Variants in NKAIN2 observed in about 807,000 individuals in gnomAD.
NKAIN2 encodes sodium/potassium transporting ATPase interacting 2, also known as sodium/potassium-transporting ATPase subunit beta-1-interacting protein 2.
A neutral mutation model predicts 32.6 loss-of-function variants in NKAIN2; 14 were observed. That is an observed-to-expected ratio of 0.43 (90% CI 0.28 to 0.67). The LOEUF (loss-of-function observed/expected upper bound fraction) is 0.67. NKAIN2 is among the 30% of genes least tolerant of loss of function. The pLI is 0.17. For missense variants in NKAIN2, 198 were observed against 258.3 expected (o/e 0.77, Z 1.60); for synonymous variants, 80 against 87.2 (o/e 0.92, Z 0.46).
intron 1 of NKAIN2, among the ~76,000 whole-genome samples, chr6:124,089,250 G>C (rs2207918): frequency 0.8 from 121,857 of 151,532 alleles, 49,236 homozygotes; most frequent in South Asian, 0.88. Context: ...CATTTAATTT[G>C]AACAAGCCAT....
At chr6:124,480,869 A>C (rs1777416800) in intron 3 of NKAIN2, among the ~76,000 whole-genome samples, 1 of 152,152 alleles carries the variant, frequency 6.6e-6, no homozygotes, top group Non-Finnish European at 1.5e-5. Context: ...ACTAAGAATG[A>C]CGCTTTACAT....
At position 124,500,665 on chromosome 6, in the gene NKAIN2, CAAAT is replaced by C. The variant is rs748045761; in HGVS notation, c.273+145337_273+145340del. On this transcript the variant is annotated intron_variant, in intron 3 of 6. Transcript: ENST00000368417. The stretch of plus-strand genomic sequence containing the variant: ...CAAGACTCTGTCTCAATCAATCAAT[CAAAT>C]AAATAAATAAATAAATAATAAAATA... Among the ~76,000 whole-genome samples the C allele has an allele frequency of 5.3e-3, 801 of 150,960 alleles. 7 individuals carry two copies. Among genetic ancestry groups the C allele is most frequent in the South Asian group, 0.012 (58 of 4,776 alleles).
At chr6:124,300,651 G>C (rs1490807448) in intron 2 of NKAIN2, among the ~76,000 whole-genome samples, 4 of 152,174 alleles carry the variant, frequency 2.6e-5, no homozygotes. Flanking sequence ...TCAAAGTACT[G>C]ACAGTTTTAT....
At chr6:124,346,046 T>G (rs1022428753) in intron 2 of NKAIN2, among the ~76,000 whole-genome samples, 1 of 152,134 alleles carries the variant, frequency 6.6e-6, no homozygotes, top group African/African-American at 2.4e-5. Context: ...TTTGTTCTCG[T>G]TGGTTTCAAA....
chr6:124,710,993 G>A (rs62431867), intron 4 of NKAIN2, among the ~76,000 whole-genome samples: 1,755 of 147,820 alleles, frequency 0.012, 18 homozygotes, highest in African/African-American at 0.022. Context: ...CATGTTTAGC[G>A]CTTCCTTCAG....
chr6:124,157,131 T>C (rs1415828766), intron 1 of NKAIN2, among the ~76,000 whole-genome samples: 1 of 70,712 alleles, frequency 1.4e-5, no homozygotes, highest in Non-Finnish European at 2.9e-5. Context: ...AAAAAAAAGG[T>C]GACCTAACCA....
intron 3 of NKAIN2, among the ~76,000 whole-genome samples, chr6:124,363,093 C>G (rs1289811971): frequency 6.6e-6 from 1 of 152,102 alleles, no homozygotes; most frequent in Non-Finnish European, 1.5e-5. Flanking sequence ...CATTGGCCTC[C>G]CAAAGTGTTG....
intron 3 of NKAIN2, among the ~76,000 whole-genome samples, chr6:124,444,105 A>G (rs1233109023): frequency 6.6e-6 from 1 of 152,132 alleles, no homozygotes; most frequent in African/African-American, 2.4e-5. Flanking sequence ...ATCATCTACC[A>G]TAGCACCTGG....
intron 1 of NKAIN2, among the ~76,000 whole-genome samples, chr6:124,108,557 G>A (rs2114964663): frequency 6.6e-6 from 1 of 151,970 alleles, no homozygotes; most frequent in Admixed American, 6.6e-5. Flanking sequence ...AGTCTTACTT[G>A]TCTCTTTTAG....
At chr6:124,701,924 C>T (rs1774811591) in intron 4 of NKAIN2, among the ~76,000 whole-genome samples, 1 of 152,054 alleles carries the variant, frequency 6.6e-6, no homozygotes, top group South Asian at 2.1e-4. Flanking sequence ...CCTGTCCCTC[C>T]ATCCCAGGTT....
Position 124,584,450 on chromosome 6 carries a change from G to A in NKAIN2, c.274-73736G>A, listed in dbSNP as rs180754822. ...ATGGATCACCTGAGGTCAGGAGTTCGAGATCAGCCTGGCCAACATTGTGGA... is the reference window on the plus strand; with the variant it reads ...ATGGATCACCTGAGGTCAGGAGTTCAAGATCAGCCTGGCCAACATTGTGGA... On this transcript the variant is annotated intron_variant, in intron 3 of 6. Transcript: ENST00000368417. Among the ~76,000 whole-genome samples, 13 of 152,124 alleles carry A rather than the reference G, an allele frequency of 8.5e-5. No homozygotes were observed. In the South Asian group the frequency reaches 1.5e-3, roughly 17 times the overall value.
At chr6:124,476,972 A>G (rs1259667493) in intron 3 of NKAIN2, among the ~76,000 whole-genome samples, 1 of 152,166 alleles carries the variant, frequency 6.6e-6, no homozygotes, top group Non-Finnish European at 1.5e-5. Flanking sequence ...TCAAAGTGTC[A>G]CCCTTTGTAC....
intron 4 of NKAIN2, among the ~76,000 whole-genome samples, chr6:124,757,599 G>C (rs1342517385): frequency 6.6e-6 from 1 of 152,062 alleles, no homozygotes; most frequent in African/African-American, 2.4e-5. Context: ...ATGCATGTCT[G>C]TAGAATTAAA....
At chr6:124,436,624 A>T (rs528041631) in intron 3 of NKAIN2, among the ~76,000 whole-genome samples, 1 of 152,044 alleles carries the variant, frequency 6.6e-6, no homozygotes, top group Non-Finnish European at 1.5e-5. Context: ...GCCCACTCCA[A>T]TCCTAGAGCA....
chr6:123,899,145 G>A (rs150622224), intron 1 of NKAIN2, among the ~76,000 whole-genome samples: 23 of 152,316 alleles, frequency 1.5e-4, no homozygotes, highest in Admixed American at 6.5e-4. Flanking sequence ...TGCATATAGT[G>A]TTGCTAAACT....
At chr6:124,307,217 C>T (rs1426206391) in intron 2 of NKAIN2, among the ~76,000 whole-genome samples, 1 of 152,164 alleles carries the variant, frequency 6.6e-6, no homozygotes, top group Non-Finnish European at 1.5e-5. Flanking sequence ...TGAGTTAGGT[C>T]TGGCTATGCT....
At chr6:124,340,787 G>A (rs540526093) in intron 2 of NKAIN2, among the ~76,000 whole-genome samples, 1 of 152,178 alleles carries the variant, frequency 6.6e-6, no homozygotes, top group South Asian at 2.1e-4. Flanking sequence ...ATTTATAATT[G>A]TAGGTGTTTA....
chr6:124,788,358 A>G (rs1779596073), intron 4 of NKAIN2, among the ~76,000 whole-genome samples: 1 of 152,106 alleles, frequency 6.6e-6, no homozygotes, highest in Non-Finnish European at 1.5e-5. Flanking sequence ...GCTTTAGTTC[A>G]TCATTGTAGC....
intron 3 of NKAIN2, among the ~76,000 whole-genome samples, chr6:124,633,818 A>G (rs1049678384): frequency 2.6e-5 from 4 of 152,132 alleles, no homozygotes; most frequent in African/African-American, 4.8e-5. Flanking sequence ...GCCTACCTCT[A>G]CTACCACCAG....
Sources: allele counts gnomAD v4.1 joint callset (sites outside exome capture counted in the v4.1 genomes callset), GRCh38; gene constraint gnomAD v4.1.1; transcripts MANE v1.5; gene names NCBI Gene and HGNC (gene_info 2026-07-23, HGNC 2026-07-21).